ASTN2: variants seen among roughly 807,000 people sequenced by gnomAD.
The protein encoded by ASTN2 is astrotactin 2.
A neutral mutation model predicts 139.8 loss-of-function variants in ASTN2; 54 were observed. The ratio of observed to expected loss-of-function variants is 0.39; its 90% CI spans 0.31 to 0.48. The LOEUF is 0.48. Among genes scored for constraint, ASTN2 ranks in the 20% least tolerant of loss-of-function variants. The pLI is 0.95. For missense variants in ASTN2, 1,565 were observed against 1,725.1 expected, an observed-to-expected ratio of 0.91 and a Z score of 1.64; for synonymous variants, 756 against 719.5, an observed-to-expected ratio of 1.05 and a Z score of -0.81.
At chr9:117,081,368 C>CGGTATGTTT (rs1828423547) in intron 5 of ASTN2, among the ~76,000 whole-genome samples, 1 of 151,980 alleles carries the variant, frequency 6.6e-6, no homozygotes, top group African/African-American at 2.4e-5. Context: ...ACCCTCAGCC[C>CGGTATGTTT]CTTCACTTTC....
At chr9:117,262,192 G>A (rs1833837978) in intron 2 of ASTN2, among the ~76,000 whole-genome samples, 1 of 152,052 alleles carries the variant, frequency 6.6e-6, no homozygotes, top group Non-Finnish European at 1.5e-5. Flanking sequence ...GTACCAGAGT[G>A]TGGGTATACG....
At chr9:117,051,089 C>T (rs1186759604) in intron 5 of ASTN2, among the ~76,000 whole-genome samples, 1 of 152,094 alleles carries the variant, frequency 6.6e-6, no homozygotes, top group Admixed American at 6.5e-5. Context: ...CTAATTTGAG[C>T]CACAAGACCT....
intron 19 of ASTN2, among the ~76,000 whole-genome samples, chr9:116,488,476 T>C (rs920786634): frequency 1.3e-5 from 2 of 152,152 alleles, no homozygotes; most frequent in Non-Finnish European, 2.9e-5. Context: ...AATTAAGTTA[T>C]AAGGATAAAC....
At chr9:116,532,766 C>T (rs1272831304) in intron 19 of ASTN2, among the ~76,000 whole-genome samples, 1 of 152,152 alleles carries the variant, frequency 6.6e-6, no homozygotes, top group Admixed American at 6.5e-5. Flanking sequence ...TTACTATAGC[C>T]TTGTAGTATA....
chr9:117,414,570 C>T lies in ASTN2; in HGVS notation c.369G>A (p.Val123=), dbSNP rs934453729. The T allele has an allele frequency of 1.9e-6, 3 of 1,601,466 alleles. No homozygotes were observed. The highest frequency in any genetic ancestry group is 2.2e-5 in the South Asian group (2 of 90,782). ...CGATGCGCCCCGGCAGCTCGTTACG[C>T]ACAAAGAGCAGGAGGCGCGACTCGG... ...TAAESRLLLF[V]RNELPGRIAV... Residue 123 remains valine, a synonymous_variant, in exon 1 of 23, where the codon GTG becomes GTA. Transcript: ENST00000313400. This position sits in a 1 kb window ranked among gnomAD's most constrained non-coding sequence, Gnocchi z 4.2.
At chr9:117,218,977 T>C (rs1832423668) in intron 2 of ASTN2, among the ~76,000 whole-genome samples, 1 of 152,308 alleles carries the variant, frequency 6.6e-6, no homozygotes, top group South Asian at 2.1e-4. Context: ...AAACCAGTGA[T>C]AGGAGAAAAT....
At chr9:116,558,335 T>C (rs1459359109) in intron 19 of ASTN2, among the ~76,000 whole-genome samples, 2 of 151,656 alleles carry the variant, frequency 1.3e-5, no homozygotes, top group African/African-American at 2.4e-5. Context: ...ATTCTCTCCA[T>C]ACCTCTGCAA....
At chr9:117,160,034 C>T (rs1157511420) in intron 3 of ASTN2, among the ~76,000 whole-genome samples, 3 of 152,014 alleles carry the variant, frequency 2.0e-5, no homozygotes, top group Admixed American at 6.6e-5. Flanking sequence ...AAGAAGGATA[C>T]TCCACTATGA....
At chr9:116,460,774 T>C (rs1848463262) in intron 20 of ASTN2, among the ~76,000 whole-genome samples, 2 of 152,108 alleles carry the variant, frequency 1.3e-5, no homozygotes, top group Admixed American at 1.3e-4. Context: ...ACTGGGTGAG[T>C]ACTTGGTCTC....
chr9:117,171,720 G>C (rs1020908609), intron 3 of ASTN2, among the ~76,000 whole-genome samples: 5 of 152,004 alleles, frequency 3.3e-5, no homozygotes, highest in Non-Finnish European at 7.4e-5. Flanking sequence ...GAAGGTGCTT[G>C]CTCCTTCTTC....
intron 11 of ASTN2, among the ~76,000 whole-genome samples, chr9:116,838,460 G>A (rs1832085556): frequency 6.6e-6 from 1 of 151,832 alleles, no homozygotes; most frequent in African/African-American, 2.4e-5. Flanking sequence ...TTTCACTCTT[G>A]TTGCCCAGAC....
chr9:117,017,542 C>A (rs944026365), intron 6 of ASTN2, among the ~76,000 whole-genome samples: 1 of 152,174 alleles, frequency 6.6e-6, no homozygotes, highest in Non-Finnish European at 1.5e-5. Context: ...GATTCTAGAA[C>A]AAATCACATA....
intron 15 of ASTN2, among the ~76,000 whole-genome samples, chr9:116,727,559 G>T (rs559228913): frequency 6.6e-6 from 1 of 152,088 alleles, no homozygotes; most frequent in Admixed American, 6.5e-5. Flanking sequence ...TCAAAGAATG[G>T]GTGTTTGATG....
chr9:116,468,163 A>G (rs1848707470), intron 20 of ASTN2, among the ~76,000 whole-genome samples: 1 of 152,220 alleles, frequency 6.6e-6, no homozygotes, highest in Non-Finnish European at 1.5e-5. Flanking sequence ...GAAAGAAACC[A>G]CAACTCATTC....
intron 19 of ASTN2, among the ~76,000 whole-genome samples, chr9:116,606,923 T>C (rs1855238374): frequency 6.6e-6 from 1 of 152,188 alleles, no homozygotes; most frequent in Non-Finnish European, 1.5e-5. Flanking sequence ...AAGTCCATAT[T>C]TTTTCATTAG....
chr9:116,884,653 CAG>C (rs1833543094), intron 10 of ASTN2, among the ~76,000 whole-genome samples: 1 of 152,006 alleles, frequency 6.6e-6, no homozygotes, highest in African/African-American at 2.4e-5. Context: ...GCCTGGGTGA[CAG>C]AGCAAAACTC....
At chr9:116,779,543 C>G (rs674086) in intron 13 of ASTN2, among the ~76,000 whole-genome samples, 1 of 151,912 alleles carries the variant, frequency 6.6e-6, no homozygotes, top group African/African-American at 2.4e-5. Flanking sequence ...CCTACATCAC[C>G]TGTTTCCTGG....
chr9:116,588,932 TTC>T (rs1854268566), intron 19 of ASTN2, among the ~76,000 whole-genome samples: 1 of 152,300 alleles, frequency 6.6e-6, no homozygotes, highest in Non-Finnish European at 1.5e-5. Context: ...TCCAAAAAAT[TTC>T]TCTTTTTCTT....
chr9:116,619,485 T>C (rs1301615237), intron 18 of ASTN2, among the ~76,000 whole-genome samples: 1 of 152,026 alleles, frequency 6.6e-6, no homozygotes, highest in Non-Finnish European at 1.5e-5. Flanking sequence ...TTATTCTCCC[T>C]AATAGCACTT....
Sources: allele counts gnomAD v4.1 joint callset (sites outside exome capture counted in the v4.1 genomes callset), GRCh38; gene constraint gnomAD v4.1.1; non-coding constraint Gnocchi (gnomAD v3.1); transcripts MANE v1.5; gene names NCBI Gene and HGNC (gene_info 2026-07-23, HGNC 2026-07-21).